Variants in SGCZ observed in about 807,000 individuals in gnomAD.
SGCZ encodes zeta-sarcoglycan.
SGCZ carries 40 observed loss-of-function variants against 41.3 expected under a neutral mutation model. The observed-to-expected ratio is 0.97, with a 90% CI of 0.75 to 1.26. The LOEUF is 1.26. SGCZ is among the 50% of genes most tolerant of loss of function. The probability of loss-of-function intolerance (pLI) is 0.00; values close to 1 mark genes in which losing one functional copy is unlikely to be tolerated. For missense variants in SGCZ, 552 were observed against 369.8 expected (o/e 1.49, Z -4.04); for synonymous variants, 206 against 137.5 (o/e 1.50, Z -3.49).
intron 1 of SGCZ, among the ~76,000 whole-genome samples, chr8:14,714,946 T>C (rs1809639465): frequency 6.6e-6 from 1 of 152,132 alleles, no homozygotes; most frequent in Non-Finnish European, 1.5e-5. Context: ...GACAGATAAG[T>C]TGCAAATTTC....
chr8:14,558,686 AC>A (rs1234630157), intron 1 of SGCZ, among the ~76,000 whole-genome samples: 3 of 152,008 alleles, frequency 2.0e-5, no homozygotes, highest in Non-Finnish European at 4.4e-5. Context: ...AACAATGACA[AC>A]AAAAAACTAC....
At chr8:14,292,341 A>C (rs1800868610) in intron 3 of SGCZ, among the ~76,000 whole-genome samples, 1 of 152,040 alleles carries the variant, frequency 6.6e-6, no homozygotes, top group African/African-American at 2.4e-5. Context: ...ACAGCCTAGG[A>C]AAGTCCTCTG....
intron 1 of SGCZ, among the ~76,000 whole-genome samples, chr8:14,985,896 A>G (rs1801812108): frequency 1.3e-5 from 2 of 152,322 alleles, no homozygotes; most frequent in African/African-American, 4.8e-5. Flanking sequence ...AATGTGGCAG[A>G]AAACAGATGA....
In SGCZ at chr8:15,155,569, C is replaced by T. The variant is rs149943026; in HGVS notation, c.39+82016G>A. 4.7e-4 allele frequency among the ~76,000 whole-genome samples: 72 copies of T among 152,172 alleles called. 1 individual carries two copies. The East Asian group carries it at 0.012, about 26-fold the overall frequency. ...GTATACGAAACCAGCCAACTGGAAA[C>T]GTCATAACTGAGCCACAAGTTTGGT... is the stretch of plus-strand genomic sequence containing the variant. On this transcript the variant is annotated intron_variant, in intron 1 of 7. Transcript: ENST00000382080.
At chr8:14,861,822 A>G (rs1277631528) in intron 1 of SGCZ, among the ~76,000 whole-genome samples, 1 of 152,044 alleles carries the variant, frequency 6.6e-6, no homozygotes, top group African/African-American at 2.4e-5. Context: ...TCAAACTGTC[A>G]GTTCTTCTTT....
chr8:14,346,774 G>A (rs1224807172), intron 2 of SGCZ, among the ~76,000 whole-genome samples: 4 of 151,948 alleles, frequency 2.6e-5, no homozygotes, highest in African/African-American at 7.2e-5. Context: ...TAATGTTTTA[G>A]AAACAATTGC....
At chr8:14,617,679 G>C (rs1321154934) in intron 1 of SGCZ, among the ~76,000 whole-genome samples, 1 of 152,140 alleles carries the variant, frequency 6.6e-6, no homozygotes, top group Non-Finnish European at 1.5e-5. Context: ...GGCTTTAGCT[G>C]AGACGTCAAG....
At chr8:14,853,518 CG>C (rs1267660145) in intron 1 of SGCZ, 1 of 529,988 alleles carries the variant, frequency 1.9e-6, no homozygotes, top group Non-Finnish European at 3.9e-6. Context: ...GAGCAGGTGA[CG>C]GGGAGATTCT....
intron 1 of SGCZ, among the ~76,000 whole-genome samples, chr8:14,893,023 C>T (rs1245451414): frequency 6.6e-6 from 1 of 152,154 alleles, no homozygotes; most frequent in Non-Finnish European, 1.5e-5. Flanking sequence ...CGTCTACATC[C>T]TAACCCTGTG....
chr8:14,669,381 G>A (rs867241376), intron 1 of SGCZ, among the ~76,000 whole-genome samples: 10 of 145,468 alleles, frequency 6.9e-5, no homozygotes, highest in East Asian at 6.3e-4. Flanking sequence ...AAGTAAGTAA[G>A]TAAGTAAATA....
chr8:15,127,058 A>C (rs911390753), intron 1 of SGCZ, among the ~76,000 whole-genome samples: 1 of 152,220 alleles, frequency 6.6e-6, no homozygotes, highest in Non-Finnish European at 1.5e-5. Flanking sequence ...TAAGGATTTA[A>C]AAGGATGACA....
At chr8:15,112,877 A>T (rs1807124226) in intron 1 of SGCZ, among the ~76,000 whole-genome samples, 1 of 152,124 alleles carries the variant, frequency 6.6e-6, no homozygotes, top group Non-Finnish European at 1.5e-5. Context: ...TGATCAAATA[A>T]ACAATTGTTG....
intron 4 of SGCZ, among the ~76,000 whole-genome samples, chr8:14,180,071 T>A (rs1006654099): frequency 6.6e-6 from 1 of 151,910 alleles, no homozygotes; most frequent in Non-Finnish European, 1.5e-5. Flanking sequence ...ACCTGCAGGG[T>A]TTTGGTCTCA....
At chr8:14,593,159 C>T (rs760164128) in intron 1 of SGCZ, among the ~76,000 whole-genome samples, 1 of 152,158 alleles carries the variant, frequency 6.6e-6, no homozygotes, top group African/African-American at 2.4e-5. Context: ...AACAGGGACT[C>T]TGTAGATGTG....
intron 4 of SGCZ, among the ~76,000 whole-genome samples, chr8:14,201,634 T>C (rs924544856): frequency 6.6e-6 from 1 of 151,966 alleles, no homozygotes. Flanking sequence ...GTCAGGGGAG[T>C]GGATGCTAGG....
intron 1 of SGCZ, among the ~76,000 whole-genome samples, chr8:14,862,279 T>C (rs1011364541): frequency 4.6e-5 from 7 of 151,872 alleles, no homozygotes; most frequent in African/African-American, 1.5e-4. Flanking sequence ...CTGAGCATAC[T>C]GCACCACTTC....
intron 1 of SGCZ, among the ~76,000 whole-genome samples, chr8:15,168,729 T>G (rs959925802): frequency 6.6e-6 from 1 of 152,172 alleles, no homozygotes; most frequent in Non-Finnish European, 1.5e-5. Flanking sequence ...CTTTGAAAAG[T>G]GCTTTCTTTT....
intron 1 of SGCZ, among the ~76,000 whole-genome samples, chr8:15,135,789 G>T (rs1563144329): frequency 6.6e-6 from 1 of 152,136 alleles, no homozygotes. Flanking sequence ...AGCTGGTGGG[G>T]TTAGACAGCA....
intron 2 of SGCZ, among the ~76,000 whole-genome samples, chr8:14,461,109 C>T (rs10109051): frequency 0.46 from 69,050 of 151,740 alleles, 16,552 homozygotes; most frequent in African/African-American, 0.61. Flanking sequence ...GAATGCTATC[C>T]TCATCCAATC....
Sources: gnomAD v4.1 joint callset for allele counts (sites outside exome capture counted in the v4.1 genomes callset) on GRCh38, gnomAD v4.1.1 for gene constraint, MANE v1.5 for transcripts, NCBI Gene and HGNC (gene_info 2026-07-23, HGNC 2026-07-21) for gene names.